SMARCB1: variants seen among roughly 807,000 people sequenced by gnomAD.
The protein encoded by SMARCB1 is SWI/SNF-related matrix-associated actin-dependent regulator of chromatin subfamily B member 1.
A neutral mutation model predicts 49.0 loss-of-function variants in SMARCB1; 5 were observed. The ratio of observed to expected loss-of-function variants is 0.10; its 90% CI spans 0.05 to 0.21. The LOEUF (loss-of-function observed/expected upper bound fraction) is 0.21. Ranked by LOEUF, SMARCB1 falls within the 10% of genes least tolerant of loss-of-function variation. The pLI, the probability that SMARCB1 is intolerant of heterozygous loss-of-function variation, is 1.00. For missense variants in SMARCB1, 226 were observed against 509.2 expected (o/e 0.44, Z 5.35); for synonymous variants, 201 against 200.1 (o/e 1.00, Z -0.04).
At chr22:23,821,889 A>G (rs2030106634) in intron 6 of SMARCB1, among the ~76,000 whole-genome samples, 1 of 151,636 alleles carries the variant, frequency 6.6e-6, no homozygotes, top group Non-Finnish European at 1.5e-5. Flanking sequence ...AAAAAGAGAA[A>G]ATGGAGTCTC....
In SMARCB1 at chr22:23,793,663, A is replaced by G. The variant is rs2145964364; in HGVS notation, c.337A>G (p.Ser113Gly). The change falls in exon 3 of 9, where the codon AGC becomes GGC. Residue 113 changes from serine to glycine, a missense_variant. This residue lies in a region of SMARCB1 where 128 missense variants were observed against 263.9 expected (regional missense o/e 0.49). Transcript: ENST00000644036. ...NDEKYKAVSI[S>G]TEPPTYLREQ... The stretch of plus-strand genomic sequence containing the variant: ...TGAGAAGTACAAGGCTGTGTCCATC[A>G]GCACAGAGCCCCCCACCTACCTCAG... The G allele has an allele frequency of 6.2e-7, 1 of 1,614,174 alleles. No homozygotes were observed. The highest frequency in any genetic ancestry group is 8.5e-7 in the Non-Finnish European group (1 of 1,179,984).
In SMARCB1 at chr22:23,837,055, A is replaced by C. The variant is rs913509426; in HGVS notation, c.*2875A>C. On this transcript the variant is annotated 3_prime_UTR_variant, in exon 9 of 9. Transcript: ENST00000644036. ...GTGGGGAGAGGGAGGGAGGGCTCTC[A>C]ACACTCACAGGAAGCCAGGGGTCTG... is the stretch of plus-strand genomic sequence containing the variant. 1.2e-5 allele frequency: 20 copies of C among 1,613,664 alleles called. No homozygotes were observed. The East Asian group carries it at 3.8e-4, about 31-fold the overall frequency.
chr22:23,800,755 C>T (rs1284167130), intron 3 of SMARCB1, among the ~76,000 whole-genome samples, 189 bp from the exon 4 acceptor site: 2 of 152,168 alleles, frequency 1.3e-5, no homozygotes, highest in Non-Finnish European at 2.9e-5. Flanking sequence ...TTGCCCTTGC[C>T]CAGGTGCCTC....
At chr22:23,800,822 C>T (rs547189170) in intron 3 of SMARCB1, 122 bp from the exon 4 acceptor site, 3 of 841,180 alleles carry the variant, frequency 3.6e-6, no homozygotes, top group Non-Finnish European at 6.3e-6. Flanking sequence ...GCACAGACAA[C>T]TCCCATGGGA....
rs1049340514 is a variant in SMARCB1 at position 23,837,931 on chromosome 22, A to G, written c.*3751A>G. ...CCCTCTGACTTCCCAAGACCCTGGA[A>G]TTCTTCCCCTCATCTCCCCTATGTG... On this transcript the variant is annotated 3_prime_UTR_variant, in exon 9 of 9. Coordinates refer to ENST00000644036, the MANE Select transcript of SMARCB1 (RefSeq NM_003073.5). 7.1e-7 allele frequency: 1 copy of G among 1,417,586 alleles called. No homozygotes were observed. 87.8% of individuals were successfully genotyped at this position (1,417,586 alleles called of 1,614,324 possible).
chr22:23,787,291 C>G, intron 1 of SMARCB1, 29 bp downstream of exon 1: 1 of 1,398,674 alleles, frequency 7.1e-7, no homozygotes, highest in African/African-American at 1.5e-5. Context: ...TCGCCCTCCC[C>G]GGGCTCGGCC....
rs34979451 is a variant in SMARCB1, at chr22:23,832,796, C to A, written c.987-776C>A. Among the ~76,000 whole-genome samples the A allele has an allele frequency of 5.5e-4, 84 of 152,372 alleles. No homozygotes were observed. In the East Asian group the frequency reaches 0.016, roughly 28 times the overall value. On this transcript the variant is annotated intron_variant, in intron 7 of 8. Transcript: ENST00000644036. ...AGGCGGCAGCCAGCCACCCTCCCAC[C>A]TCCCCAGCACTCCTGTGCCCACCCC...
At chr22:23,791,634 C>G (rs1468786870) in intron 1 of SMARCB1, 122 bp from the exon 2 acceptor site, 2 of 900,508 alleles carry the variant, frequency 2.2e-6, no homozygotes, top group Admixed American at 3.4e-5. Context: ...CTGCCGAAAG[C>G]GTGGCGCCTG....
intron 6 of SMARCB1, among the ~76,000 whole-genome samples, chr22:23,819,740 T>G (rs1244801420): frequency 2.6e-5 from 2 of 77,378 alleles, no homozygotes; most frequent in Non-Finnish European, 2.8e-5. Flanking sequence ...TATACTGCCT[T>G]TCTCGGTGGC....
intron 1 of SMARCB1, 40 bp from the exon 2 acceptor site, chr22:23,791,716 G>A (rs200156199): frequency 1.2e-6 from 2 of 1,608,628 alleles, no homozygotes. Context: ...TCCCTGTGGT[G>A]CTGCGACCCT....
chr22:23,812,480 A>G (rs1929934800), intron 5 of SMARCB1, among the ~76,000 whole-genome samples: 1 of 152,224 alleles, frequency 6.6e-6, no homozygotes, highest in Non-Finnish European at 1.5e-5. Context: ...TCAATTTTAT[A>G]AAGCTCGTAT....
At position 23,837,558 on chromosome 22, in the gene SMARCB1, G is replaced by T; in HGVS notation, c.*3378G>T. On this transcript the variant is annotated 3_prime_UTR_variant, in exon 9 of 9. Coordinates refer to ENST00000644036, the MANE Select transcript of SMARCB1 (RefSeq NM_003073.5). The stretch of plus-strand genomic sequence containing the variant: ...AGATGGGGATGGAGCCAGGTGTGAG[G>T]AGAACTCCAGCAAGGATGGGAGAGG... The T allele has an allele frequency of 8.0e-7, 1 of 1,242,966 alleles. No individual in the cohort carries two copies. Among genetic ancestry groups the T allele is most frequent in the Non-Finnish European group, 1.1e-6 (1 of 891,576 alleles). 77.0% of individuals were successfully genotyped at this position (1,242,966 alleles called of 1,614,324 possible).
rs34368167 is a variant in SMARCB1 at position 23,812,865 on chromosome 22, A to ATTT, written c.629-3889_629-3887dup. On this transcript the variant is annotated intron_variant, in intron 5 of 8. Coordinates refer to ENST00000644036, the MANE Select transcript of SMARCB1 (RefSeq NM_003073.5). ...ATTTAGTACAAAAAGTCCTGTTGCT[A>ATTT]TTTTTTTTTTTTTTTTTTAGACGGA... is the stretch of plus-strand genomic sequence containing the variant. Among the ~76,000 whole-genome samples, 249 of 137,798 alleles carry ATTT rather than the reference A, an allele frequency of 1.8e-3. 1 individual carries two copies. The highest frequency in any genetic ancestry group is 6.4e-3 in the African/African-American group (240 of 37,748). The allele number at this position is 137,798 out of a possible 152,430, so 90.4% of individuals were successfully genotyped here. A position where few individuals can be genotyped will look rare whatever the true frequency, so the allele number is the denominator to read the frequency against.
intron 1 of SMARCB1, 29 bp downstream of exon 1, chr22:23,787,291 C>T (rs778263500): frequency 3.6e-6 from 5 of 1,398,674 alleles, no homozygotes; most frequent in Non-Finnish European, 4.0e-6. Context: ...TCGCCCTCCC[C>T]GGGCTCGGCC....
In SMARCB1 at chr22:23,836,183, G is replaced by A; in HGVS notation, c.*2003G>A. The A allele has an allele frequency of 1.0e-6, 1 of 985,456 alleles. No homozygotes were observed. The highest frequency in any genetic ancestry group is 1.2e-6 in the Non-Finnish European group (1 of 829,928). The allele number at this position is 985,456 out of a possible 1,614,324, so 61.0% of individuals were successfully genotyped here. ...CACCCAGTCTCAGAACTCTGCTAAG[G>A]TGAAAACTTAGGCTCTGAGGTCATA... On this transcript the variant is annotated 3_prime_UTR_variant, in exon 9 of 9. Transcript: ENST00000644036.
chr22:23,833,618 G>A lies in SMARCB1; in HGVS notation c.1033G>A (p.Asp345Asn), dbSNP rs794727911. Residue 345 changes from aspartate to asparagine, a missense_variant, in exon 8 of 9, where the codon GAT (aspartate) becomes AAT (asparagine). Around this residue, in one of 6 missense-constraint regions of SMARCB1, gnomAD observed 35 missense variants for 107.2 expected, o/e 0.33. Coordinates refer to ENST00000644036, the MANE Select transcript of SMARCB1 (RefSeq NM_003073.5). Reference protein sequence around the residue: ...TVEIAIRNTGDADQWCPLLET... With the variant: ...TVEIAIRNTGNADQWCPLLET... ...GGAGATTGCCATCCGGAACACGGGC[G>A]ATGCGGACCAGTGGTGCCCACTGCT... 1 of 1,614,078 alleles carries A rather than the reference G, an allele frequency of 6.2e-7. No homozygotes were observed. Among genetic ancestry groups the A allele is most frequent in the Non-Finnish European group, 8.5e-7 (1 of 1,180,024 alleles).
chr22:23,793,129 C>T (rs1928505566), intron 2 of SMARCB1: 2 of 272,840 alleles, frequency 7.3e-6, no homozygotes, highest in South Asian at 8.5e-5. Context: ...ATTCCATCTC[C>T]CCACCTTGCA....
intron 7 of SMARCB1, among the ~76,000 whole-genome samples, chr22:23,826,411 C>T (rs188365157): frequency 2.1e-5 from 3 of 146,070 alleles, no homozygotes; most frequent in Admixed American, 6.9e-5. Context: ...GGTGACAGAG[C>T]GAGACCCTGT....
chr22:23,825,477 T>G (rs1203705032), intron 7 of SMARCB1, 62 bp downstream of exon 7: 4 of 1,414,962 alleles, frequency 2.8e-6, no homozygotes, highest in Non-Finnish European at 4.0e-6. Context: ...TGAGAAAGAC[T>G]TCTCTGTGTG....
Sources: allele counts gnomAD v4.1 joint callset (sites outside exome capture counted in the v4.1 genomes callset), GRCh38; gene constraint gnomAD v4.1.1; regional missense constraint gnomAD v4.1.1; transcripts MANE v1.5; gene names NCBI Gene and HGNC (gene_info 2026-07-23, HGNC 2026-07-21).